The following RASAL2 variants were observed in gnomAD, a reference collection of about 807,000 sequenced individuals.
RASAL2 encodes ras GTPase-activating protein nGAP.
A neutral mutation model predicts 128.9 loss-of-function variants in RASAL2; 58 were observed. That is an observed-to-expected ratio of 0.45 (90% CI 0.36 to 0.56). RASAL2 has a LOEUF of 0.56. RASAL2 is among the 20% of genes least tolerant of loss of function. The probability of loss-of-function intolerance (pLI) is 0.00; values close to 1 mark genes in which losing one functional copy is unlikely to be tolerated. For missense variants in RASAL2, 1,360 were observed against 1,601.6 expected (o/e 0.85, Z 2.57); for synonymous variants, 561 against 580.8 (o/e 0.97, Z 0.49).
At chr1:178,471,455 C>T (rs1020604596) in intron 17 of RASAL2, among the ~76,000 whole-genome samples, 1 of 152,036 alleles carries the variant, frequency 6.6e-6, no homozygotes, top group Admixed American at 6.6e-5. Context: ...TTTTGTCTAT[C>T]CTTAAAATGA....
intron 1 of RASAL2, among the ~76,000 whole-genome samples, chr1:178,126,642 C>T (rs1482001374): frequency 6.6e-6 from 1 of 152,184 alleles, no homozygotes; most frequent in African/African-American, 2.4e-5. Flanking sequence ...TGTGGGAAAG[C>T]TCAAGAGTGA....
chr1:178,263,746 G>C (rs886524160), intron 1 of RASAL2, among the ~76,000 whole-genome samples: 1 of 152,042 alleles, frequency 6.6e-6, no homozygotes, highest in African/African-American at 2.4e-5. Flanking sequence ...ATTGAGACAG[G>C]GTCTCACTAT....
chr1:178,451,927 C>T (rs1484917608), intron 10 of RASAL2, among the ~76,000 whole-genome samples: 2 of 152,164 alleles, frequency 1.3e-5, no homozygotes, highest in Non-Finnish European at 2.9e-5. Context: ...AACTGGCTAT[C>T]TACATAAATA....
chr1:178,245,764 C>G (rs1385202389), intron 1 of RASAL2, among the ~76,000 whole-genome samples: 1 of 152,140 alleles, frequency 6.6e-6, no homozygotes, highest in Non-Finnish European at 1.5e-5. Flanking sequence ...AGGAAGGGGT[C>G]CAGTTTCTGT....
intron 1 of RASAL2, among the ~76,000 whole-genome samples, chr1:178,210,783 T>G (rs1256660061): frequency 3.9e-5 from 6 of 152,244 alleles, no homozygotes; most frequent in African/African-American, 2.4e-5. Flanking sequence ...GAAATCATTT[T>G]GGGCTTAGGA....
chr1:178,463,672 C>T (rs534827918), intron 14 of RASAL2, among the ~76,000 whole-genome samples: 1 of 152,248 alleles, frequency 6.6e-6, no homozygotes, highest in South Asian at 2.1e-4. Context: ...TTCTTTTTCT[C>T]TAAATCAATA....
intron 1 of RASAL2, among the ~76,000 whole-genome samples, chr1:178,213,556 A>G (rs1663326789): frequency 6.6e-6 from 1 of 152,214 alleles, no homozygotes; most frequent in Non-Finnish European, 1.5e-5. Flanking sequence ...CAACAAAATA[A>G]TCAAGTTATA....
intron 3 of RASAL2, among the ~76,000 whole-genome samples, chr1:178,312,813 A>C (rs1456452422): frequency 6.6e-6 from 1 of 152,254 alleles, no homozygotes; most frequent in African/African-American, 2.4e-5. Flanking sequence ...AAGCAAATGA[A>C]TAATACAAGA....
chr1:178,269,521 A>AATAC (rs1360513394), intron 1 of RASAL2, among the ~76,000 whole-genome samples: 1 of 152,144 alleles, frequency 6.6e-6, no homozygotes, highest in East Asian at 1.9e-4. Flanking sequence ...GTCAGCACAA[A>AATAC]ATACAGGTCA....
chr1:178,318,511 C>T (rs1668595821), intron 3 of RASAL2, among the ~76,000 whole-genome samples: 1 of 150,362 alleles, frequency 6.7e-6, no homozygotes, highest in Non-Finnish European at 1.5e-5. Context: ...GGATAGTTAG[C>T]TCTTCTTGTT....
Position 178,439,412 on chromosome 1 carries a change from C to T in RASAL2, c.675-10C>T. 6.3e-7 allele frequency: 1 copy of T among 1,594,554 alleles called. No individual in the cohort carries two copies. Among genetic ancestry groups the T allele is most frequent in the South Asian group, 1.1e-5 (1 of 87,976 alleles). On this transcript the variant is annotated splice_polypyrimidine_tract_variant and intron_variant, in intron 5 of 17. Coordinates refer to ENST00000367649, the MANE Select transcript of RASAL2 (RefSeq NM_170692.4). ...GTTACACTACCTTAAATATCTTTTT[C>T]TACTTTTAGGTCTCGTGGGCTGCCT...
intron 1 of RASAL2, among the ~76,000 whole-genome samples, chr1:178,160,590 G>A (rs1215189858): frequency 6.6e-6 from 1 of 152,052 alleles, no homozygotes; most frequent in Non-Finnish European, 1.5e-5. Context: ...AGCCGAGATC[G>A]CACCACTGCA....
intron 1 of RASAL2, among the ~76,000 whole-genome samples, chr1:178,173,638 C>G (rs528908730): frequency 6.6e-6 from 1 of 152,064 alleles, no homozygotes; most frequent in East Asian, 1.9e-4. Flanking sequence ...TGTTCTGTTT[C>G]TGTGAACCTT....
intron 2 of RASAL2, among the ~76,000 whole-genome samples, chr1:178,284,736 T>TA (rs201716461): frequency 6.6e-6 from 1 of 151,926 alleles, no homozygotes; most frequent in Non-Finnish European, 1.5e-5. Flanking sequence ...TTCCACCATA[T>TA]AAAAAAATAA....
At chr1:178,268,692 CAA>C (rs930870624) in intron 1 of RASAL2, among the ~76,000 whole-genome samples, 65 of 152,248 alleles carry the variant, frequency 4.3e-4, no homozygotes, top group African/African-American at 1.1e-3. Context: ...CTCCTGGACT[CAA>C]ATGACCCCCC....
chr1:178,462,721 G>A lies in RASAL2; in HGVS notation c.3253-1557G>A, dbSNP rs999804387. Among the ~76,000 whole-genome samples the A allele has an allele frequency of 3.6e-4, 55 of 152,040 alleles. 1 individual carries two copies. Among genetic ancestry groups the A allele is most frequent in the Admixed American group, 1.3e-4 (2 of 15,278 alleles). ...CTACTGTATGCCAAGCAAAGTGCTA[G>A]GATATATTAGGAAGTGGCTGAAAAT... On this transcript the variant is annotated intron_variant, in intron 14 of 17. Coordinates refer to ENST00000367649, the MANE Select transcript of RASAL2 (RefSeq NM_170692.4).
chr1:178,204,303 C>T (rs553828585), intron 1 of RASAL2, among the ~76,000 whole-genome samples: 25 of 152,212 alleles, frequency 1.6e-4, no homozygotes, highest in African/African-American at 5.8e-4. Flanking sequence ...AGATTATGAT[C>T]TCAGGAGATG....
intron 3 of RASAL2, among the ~76,000 whole-genome samples, chr1:178,379,921 T>A (rs1672188411): frequency 6.6e-6 from 1 of 152,242 alleles, no homozygotes; most frequent in Admixed American, 6.5e-5. Flanking sequence ...GTGACTTAAT[T>A]TGAGACAGGG....
At chr1:178,254,940 T>TA (rs1665250220) in intron 1 of RASAL2, among the ~76,000 whole-genome samples, 1 of 151,664 alleles carries the variant, frequency 6.6e-6, no homozygotes, top group Admixed American at 6.6e-5. Flanking sequence ...ACTCATTATT[T>TA]ACAAGGAAGC....
Sources: allele counts gnomAD v4.1 joint callset (sites outside exome capture counted in the v4.1 genomes callset), GRCh38; gene constraint gnomAD v4.1.1; transcripts MANE v1.5; gene names NCBI Gene and HGNC (gene_info 2026-07-23, HGNC 2026-07-21).